The following WDR27 variants were observed in gnomAD, a reference collection of about 807,000 sequenced individuals.
The protein encoded by WDR27 is WD repeat domain 27.
A neutral mutation model predicts 114.4 loss-of-function variants in WDR27; 100 were observed. That is an observed-to-expected ratio of 0.87 (90% CI 0.74 to 1.03). The LOEUF is 1.03. WDR27 is among the 50% of genes least tolerant of loss of function. The pLI, the probability that WDR27 is intolerant of heterozygous loss-of-function variation, is 0.00. For missense variants in WDR27, 1,129 were observed against 1,092.9 expected (o/e 1.03, Z -0.47); for synonymous variants, 449 against 423.1 (o/e 1.06, Z -0.75).
chr6:169,670,573 A>G lies in WDR27; in HGVS notation c.452T>C (p.Ile151Thr), dbSNP rs1778447964. The change falls in exon 4 of 26, where the codon ATT becomes ACT. Residue 151 changes from isoleucine to threonine, a missense_variant. Ile to Thr is a moderately conservative substitution (Grantham distance 89, BLOSUM62 -1). Coordinates refer to ENST00000448612, the MANE Select transcript of WDR27 (RefSeq NM_182552.5). ...CCACGTGAATTTCAATCTTACCTCA[A>G]TATCCAGCATGAATATTTTGTTTCC... ...CAGNKIFMLDIEQRFSVTYIE... is the reference protein window; with the variant it reads ...CAGNKIFMLDTEQRFSVTYIE... 6.2e-7 allele frequency: 1 copy of G among 1,613,884 alleles called. No homozygotes were observed. The highest frequency in any genetic ancestry group is 1.1e-5 in the South Asian group (1 of 91,090).
At chr6:169,583,363 G>A (rs983832508) in intron 23 of WDR27, among the ~76,000 whole-genome samples, 1 of 149,796 alleles carries the variant, frequency 6.7e-6, no homozygotes, top group African/African-American at 2.5e-5. Flanking sequence ...TAGGAGATAG[G>A]TACATACACT....
At position 169,632,942 on chromosome 6, in the gene WDR27, C is replaced by T. The variant is rs766695328; in HGVS notation, c.2223+5G>A. 1.9e-6 allele frequency: 3 copies of T among 1,576,560 alleles called. No individual in the cohort carries two copies. Among genetic ancestry groups the T allele is most frequent in the Admixed American group, 1.7e-5 (1 of 59,340 alleles). ...ATGATACATGTTATCCAAAAACTTA[C>T]TCACTTTATTTTGGCAGATTTGATG... On this transcript the variant is annotated splice_donor_5th_base_variant and intron_variant, in intron 21 of 25. Coordinates refer to ENST00000448612, the MANE Select transcript of WDR27 (RefSeq NM_182552.5).
intron 17 of WDR27, among the ~76,000 whole-genome samples, chr6:169,640,382 C>T (rs753790335): frequency 6.6e-6 from 1 of 152,182 alleles, no homozygotes; most frequent in African/African-American, 2.4e-5. Context: ...TGCAACAGGA[C>T]GCCAGGAAAC....
chr6:169,467,974 A>C (rs980135627), intron 25 of WDR27, among the ~76,000 whole-genome samples: 1 of 152,196 alleles, frequency 6.6e-6, no homozygotes, highest in Non-Finnish European at 1.5e-5. Flanking sequence ...TCCAAGTCGC[A>C]TCTTGAACAC....
the WDR27 span, among the ~76,000 whole-genome samples, chr6:169,444,872 C>A: frequency 1.3e-5 from 2 of 152,118 alleles, no homozygotes; most frequent in Non-Finnish European, 2.9e-5. Context: ...TGCCCTTTTG[C>A]CAGAGGCTGC....
intron 25 of WDR27, among the ~76,000 whole-genome samples, chr6:169,494,426 C>T (rs1159349243): frequency 6.6e-6 from 1 of 152,152 alleles, no homozygotes; most frequent in Non-Finnish European, 1.5e-5. Flanking sequence ...ATCCACACCA[C>T]TATAAGACTG....
At chr6:169,674,826 C>T (rs946148599) in intron 2 of WDR27, among the ~76,000 whole-genome samples, 2 of 151,994 alleles carry the variant, frequency 1.3e-5, no homozygotes, top group Non-Finnish European at 2.9e-5. Context: ...CGGGCTGAGT[C>T]CGAAAAGAGA....
chr6:169,613,623 A>G lies in WDR27; in HGVS notation c.2257T>C (p.Tyr753His). 6.2e-7 allele frequency: 1 copy of G among 1,613,852 alleles called. No individual in the cohort carries two copies. The highest frequency in any genetic ancestry group is 2.2e-5 in the East Asian group (1 of 44,864). ...SSFTTQQPQA[Y>H]NLFLTTAIGD... Reference sequence around the variant, plus strand: ...ATGGCCGTGGTCAGGAAAAGGTTATAAGCCTGAGGCTGTTGGGTTGTAAAT... The same window carrying G: ...ATGGCCGTGGTCAGGAAAAGGTTATGAGCCTGAGGCTGTTGGGTTGTAAAT... Residue 753 changes from tyrosine (Y) to histidine (H), a missense_variant, in exon 22 of 26, where the codon TAT (tyrosine) becomes CAT (histidine). Tyr to His is a moderately conservative substitution (Grantham distance 83). Transcript: ENST00000448612.
the WDR27 span, chr6:169,427,218 T>C: frequency 2.0e-5 from 3 of 152,424 alleles, no homozygotes; most frequent in Non-Finnish European, 2.9e-5. Context: ...GCTGCAGCAC[T>C]CTCTGGGAGA....
chr6:169,471,115 T>C (rs1786319237), intron 25 of WDR27, among the ~76,000 whole-genome samples: 2 of 151,858 alleles, frequency 1.3e-5, no homozygotes, highest in Non-Finnish European at 2.9e-5. Context: ...TACAGAGTCT[T>C]GGTGCAGTTC....
chr6:169,698,992 G>A (rs1313035570), intron 1 of WDR27, among the ~76,000 whole-genome samples: 1 of 152,154 alleles, frequency 6.6e-6, no homozygotes, highest in African/African-American at 2.4e-5. Context: ...ACTGAGTGAT[G>A]GGGCACAGAA....
the WDR27 span, among the ~76,000 whole-genome samples, chr6:169,428,657 A>G: frequency 6.6e-6 from 1 of 151,972 alleles, no homozygotes; most frequent in South Asian, 2.1e-4. Flanking sequence ...ACAGAGCTCT[A>G]CAAGGGAGGC....
At chr6:169,622,110 T>C (rs949823666) in intron 21 of WDR27, among the ~76,000 whole-genome samples, 2 of 152,186 alleles carry the variant, frequency 1.3e-5, no homozygotes, top group African/African-American at 2.4e-5. Context: ...ATGCAACCAT[T>C]TGTCCCTTAT....
intron 13 of WDR27, among the ~76,000 whole-genome samples, chr6:169,653,705 T>C (rs1823222188): frequency 6.6e-6 from 1 of 152,074 alleles, no homozygotes; most frequent in Non-Finnish European, 1.5e-5. Flanking sequence ...AGAAGAAATA[T>C]GTGCTTCATT....
In WDR27 at chr6:169,667,176, A is replaced by T. The variant is rs1316216081; in HGVS notation, c.672T>A (p.His224Gln). The part of the protein sequence containing the change: ...SEDRGFKVWD[H>Q]CTGSLIYSSS... ...AACTGTATATTAATGATCCTGTACA[A>T]TGGTCCCAGACCTTTGGATAAACAC... Residue 224 changes from histidine to glutamine, a missense_variant, in exon 6 of 26, where the codon CAT becomes CAA. Coordinates refer to ENST00000448612, the MANE Select transcript of WDR27 (RefSeq NM_182552.5). 2 of 1,529,052 alleles carry T rather than the reference A, an allele frequency of 1.3e-6. No individual in the cohort carries two copies. The highest frequency in any genetic ancestry group is 1.3e-5 in the South Asian group (1 of 75,934). The allele number at this position is 1,529,052 out of a possible 1,614,324, so 94.7% of individuals were successfully genotyped here.
chr6:169,683,406 T>C (rs541155773), intron 2 of WDR27, among the ~76,000 whole-genome samples: 38 of 151,896 alleles, frequency 2.5e-4, no homozygotes, highest in Non-Finnish European at 4.0e-4. Context: ...GAGGCAGTGA[T>C]ATATTCAGGG....
chr6:169,454,094 G>A (rs1230276511), downstream of WDR27, among the ~76,000 whole-genome samples: 1 of 152,124 alleles, frequency 6.6e-6, no homozygotes, highest in Non-Finnish European at 1.5e-5. Flanking sequence ...TCCTAATGAC[G>A]ACCTGAATCA....
chr6:169,437,726 A>G, the WDR27 span, among the ~76,000 whole-genome samples: 1 of 152,124 alleles, frequency 6.6e-6, no homozygotes, highest in Non-Finnish European at 1.5e-5. Context: ...ATGTATTTTT[A>G]TGTCATTAAT....
At position 169,665,476 on chromosome 6, in the gene WDR27, G is replaced by A. The variant is rs1441075182; in HGVS notation, c.783+10C>T. The A allele has an allele frequency of 6.2e-6, 10 of 1,611,188 alleles. No homozygotes were observed. The highest frequency in any genetic ancestry group is 8.5e-6 in the Non-Finnish European group (10 of 1,178,746). On this transcript the variant is annotated intron_variant, in intron 7 of 25. Coordinates refer to ENST00000448612, the MANE Select transcript of WDR27 (RefSeq NM_182552.5). ...CTGGGAACTGGAACTTAACTCTGTG[G>A]CTGTCTCACCTGGCCGTCAGCACAC...
Sources: allele counts gnomAD v4.1 joint callset (sites outside exome capture counted in the v4.1 genomes callset), GRCh38; gene constraint gnomAD v4.1.1; transcripts MANE v1.5; gene names NCBI Gene and HGNC (gene_info 2026-07-23, HGNC 2026-07-21).